Variants in CPM observed in about 807,000 individuals in gnomAD.
CPM encodes the protein renal carboxypeptidase.
Under a neutral mutation model 46.4 loss-of-function variants are expected in CPM, and 35 were observed. The ratio of observed to expected loss-of-function variants is 0.75; its 90% CI spans 0.58 to 1.00. The LOEUF is 1.00. CPM is among the 50% of genes least tolerant of loss of function. The probability of loss-of-function intolerance (pLI) is 0.00; values close to 1 mark genes in which losing one functional copy is unlikely to be tolerated. For synonymous variants in CPM, 195 were observed against 195.3 expected (o/e 1.00, Z 0.01); for missense variants, 422 against 530.4 (o/e 0.80, Z 2.01).
chr12:68,940,647 G>T (rs1408644052), intron 1 of CPM, among the ~76,000 whole-genome samples: 1 of 151,310 alleles, frequency 6.6e-6, no homozygotes, highest in African/African-American at 2.4e-5. Flanking sequence ...ACCAAATGGG[G>T]CTTTGGTCTC....
At chr12:68,891,512 T>C (rs1886653030) in intron 2 of CPM, among the ~76,000 whole-genome samples, 1 of 152,212 alleles carries the variant, frequency 6.6e-6, no homozygotes, top group African/African-American at 2.4e-5. Context: ...CATTTAACCC[T>C]AATAGCCACA....
At chr12:68,931,763 A>G (rs199605627) in intron 2 of CPM, among the ~76,000 whole-genome samples, 86 of 132,500 alleles carry the variant, frequency 6.5e-4, no homozygotes, top group South Asian at 1.8e-3. Context: ...AAAAAAAAAA[A>G]AAAGAAAGAA....
At chr12:68,914,800 G>A (rs1774743416) in intron 2 of CPM, among the ~76,000 whole-genome samples, 1 of 152,090 alleles carries the variant, frequency 6.6e-6, no homozygotes, top group East Asian at 1.9e-4. Context: ...TCTAGAGACT[G>A]GAAGAACTGG....
At chr12:68,859,932 C>T (rs909991502) in intron 7 of CPM, among the ~76,000 whole-genome samples, 2 of 152,098 alleles carry the variant, frequency 1.3e-5, no homozygotes, top group African/African-American at 4.8e-5. Flanking sequence ...GGTGAAGCTG[C>T]CTAAGTCCCC....
chr12:68,920,699 C>CTT (rs1287491577), intron 2 of CPM, among the ~76,000 whole-genome samples: 1 of 125,262 alleles, frequency 8.0e-6, no homozygotes, highest in Admixed American at 9.1e-5. Flanking sequence ...TTTTCTTTTT[C>CTT]TTTTTTTTTT....
Position 68,869,311 on chromosome 12 carries a change from G to A in CPM, c.787+14C>T, listed in dbSNP as rs760109070. 4.4e-6 allele frequency: 7 copies of A among 1,607,782 alleles called. No homozygotes were observed. In the East Asian group the frequency reaches 8.9e-5, roughly 20 times the overall value. ...AGGCAATAAGGAGAATGGAAGAAAT[G>A]AAGAGAAACTCACCTTGGAGTGGAT... On this transcript the variant is annotated intron_variant, in intron 6 of 8. Coordinates refer to ENST00000551568, the MANE Select transcript of CPM (RefSeq NM_198320.5).
chr12:68,933,868 G>A (rs182283394), upstream of CPM, among the ~76,000 whole-genome samples: 221 of 152,340 alleles, frequency 1.5e-3, no homozygotes, highest in African/African-American at 5.1e-3. Flanking sequence ...AAGTCACATC[G>A]AAGAAGGCAG....
chr12:68,894,434 T>C (rs1729218795), intron 2 of CPM, among the ~76,000 whole-genome samples: 1 of 152,184 alleles, frequency 6.6e-6, no homozygotes, highest in African/African-American at 2.4e-5. Context: ...TTCAGGGTCC[T>C]CCATCACCTG....
chr12:68,847,433 A>G (rs1220366956), downstream of CPM: 2 of 138,966 alleles, frequency 1.4e-5, no homozygotes, highest in Non-Finnish European at 3.0e-5. Flanking sequence ...AGGTTGTAAC[A>G]TCCTTTTGTA....
chr12:68,920,699 CTT>C (rs1287491577), intron 2 of CPM, among the ~76,000 whole-genome samples: 2 of 125,256 alleles, frequency 1.6e-5, no homozygotes, highest in African/African-American at 6.4e-5. Context: ...TTTTCTTTTT[CTT>C]TTTTTTTTTT....
intron 2 of CPM, among the ~76,000 whole-genome samples, chr12:68,922,369 A>G (rs1196623901): frequency 6.6e-6 from 1 of 152,246 alleles, no homozygotes; most frequent in Non-Finnish European, 1.5e-5. Context: ...GTGTGGTTCT[A>G]GTTTTCACGG....
At chr12:68,936,997 T>C (rs938771804), upstream of CPM, among the ~76,000 whole-genome samples, 1 of 152,230 alleles carries the variant, frequency 6.6e-6, no homozygotes, top group African/African-American at 2.4e-5. Context: ...GGTAAAGTAA[T>C]ACTTTGTTTT....
chr12:68,944,641 C>T (rs759585138), intron 1 of CPM, among the ~76,000 whole-genome samples: 108 of 152,058 alleles, frequency 7.1e-4, no homozygotes, highest in Non-Finnish European at 1.3e-3. Flanking sequence ...TTCAAGTCAT[C>T]CGCCCAGCTC....
chr12:68,940,829 T>A (rs983855396), intron 1 of CPM, among the ~76,000 whole-genome samples: 4 of 152,154 alleles, frequency 2.6e-5, no homozygotes, highest in Non-Finnish European at 5.9e-5. Context: ...CTATATTTTT[T>A]AAATTATTGT....
At chr12:68,923,728 T>C (rs185458144) in intron 2 of CPM, among the ~76,000 whole-genome samples, 3 of 152,344 alleles carry the variant, frequency 2.0e-5, no homozygotes, top group Admixed American at 6.5e-5. Flanking sequence ...AGAAATCACA[T>C]GCTTGTATCT....
intron 2 of CPM, among the ~76,000 whole-genome samples, chr12:68,930,663 T>G (rs3782338): frequency 0.1 from 15,270 of 152,268 alleles, 890 homozygotes; most frequent in Non-Finnish European, 0.13. Context: ...TATTTTTACA[T>G]GATAACTCCT....
chr12:68,946,241 C>T (rs1165836486), intron 1 of CPM, among the ~76,000 whole-genome samples: 1 of 152,036 alleles, frequency 6.6e-6, no homozygotes, highest in Non-Finnish European at 1.5e-5. Flanking sequence ...CCCATTTTTA[C>T]CAAAGACAAA....
At chr12:68,861,233 C>T (rs909168106) in intron 7 of CPM, among the ~76,000 whole-genome samples, 14 of 151,870 alleles carry the variant, frequency 9.2e-5, no homozygotes, top group African/African-American at 1.9e-4. Flanking sequence ...TGTGGTGTGG[C>T]GGGGGGAGAA....
upstream of CPM, chr12:68,933,328 G>A (rs1366414060): frequency 6.6e-6 from 1 of 151,858 alleles, no homozygotes; most frequent in African/African-American, 2.4e-5. Context: ...CGGCGCCCGC[G>A]CGGTGCGCCC....
Sources: gnomAD v4.1 joint callset for allele counts (sites outside exome capture counted in the v4.1 genomes callset) on GRCh38, gnomAD v4.1.1 for gene constraint, MANE v1.5 for transcripts, NCBI Gene and HGNC (gene_info 2026-07-23, HGNC 2026-07-21) for gene names.